Variants in R3HCC1L observed in about 807,000 individuals in gnomAD.
The protein encoded by R3HCC1L is R3H domain and coiled-coil containing 1 like.
R3HCC1L carries 51 observed loss-of-function variants against 59.9 expected under a neutral mutation model. The ratio of observed to expected loss-of-function variants is 0.85; its 90% CI spans 0.68 to 1.07. The LOEUF (loss-of-function observed/expected upper bound fraction) is 1.07, where lower values mean the gene tolerates loss of function less well. Ranked by LOEUF, R3HCC1L falls within the 50% of genes least tolerant of loss-of-function variation. The pLI is 0.00. For missense variants in R3HCC1L, 965 were observed against 933.0 expected (o/e 1.03, Z -0.45); for synonymous variants, 322 against 315.2 (o/e 1.02, Z -0.23).
At chr10:98,218,235 C>G (rs952765539) in intron 5 of R3HCC1L, among the ~76,000 whole-genome samples, 11 of 151,958 alleles carry the variant, frequency 7.2e-5, no homozygotes, top group African/African-American at 1.7e-4. Context: ...TGAACTTCAT[C>G]AAGTGCTTTT....
Position 98,209,125 on chromosome 10 carries a change from C to T in R3HCC1L, c.1011C>T (p.Asp337=). Residue 337 remains aspartate (D), a synonymous_variant, in exon 5 of 10, where the codon GAC becomes GAT. Transcript: ENST00000298999. ...PVMIRECEKN[D]STADELHVKH... ...TGATTAGAGAATGTGAGAAGAATGACAGCACTGCTGATGAGTTACATGTAA... is the reference window on the plus strand; with the variant it reads ...TGATTAGAGAATGTGAGAAGAATGATAGCACTGCTGATGAGTTACATGTAA... 2 of 1,614,070 alleles carry T rather than the reference C, an allele frequency of 1.2e-6. No homozygotes were observed. Among genetic ancestry groups the T allele is most frequent in the Non-Finnish European group, 1.7e-6 (2 of 1,180,016 alleles).
rs1438294474 is a variant in R3HCC1L, at chr10:98,153,088, G to A, written c.-267-3005G>A. ...TGGGAAGTGAGGAGCCCCTATACCC[G>A]GCCACCACCCCATCTGGGAGGTGTA... is the stretch of plus-strand genomic sequence containing the variant. On this transcript the variant is annotated intron_variant, in intron 1 of 9. Transcript: ENST00000298999. Among the ~76,000 whole-genome samples the A allele has an allele frequency of 2.0e-5, 3 of 152,160 alleles. 1 individual carries two copies. The highest frequency in any genetic ancestry group is 4.4e-5 in the Non-Finnish European group (3 of 68,020).
At chr10:98,223,424 G>T (rs1240267810) in intron 5 of R3HCC1L, among the ~76,000 whole-genome samples, 2 of 151,788 alleles carry the variant, frequency 1.3e-5, no homozygotes, top group Admixed American at 1.3e-4. Context: ...TCTTTTGGAG[G>T]TGTTATGTTT....
chr10:98,169,836 A>C (rs1848338820), intron 4 of R3HCC1L, among the ~76,000 whole-genome samples: 1 of 152,044 alleles, frequency 6.6e-6, no homozygotes, highest in Non-Finnish European at 1.5e-5. Flanking sequence ...AATATGTAAA[A>C]CTAACAGCTC....
intron 1 of R3HCC1L, among the ~76,000 whole-genome samples, chr10:98,154,202 A>G (rs1307572813): frequency 9.0e-5 from 13 of 144,866 alleles, no homozygotes; most frequent in Admixed American, 8.9e-4. Flanking sequence ...AAAAAAAAAA[A>G]AGGAAGAAAG....
intron 4 of R3HCC1L, among the ~76,000 whole-genome samples, chr10:98,191,441 A>ATAGATGTCTTCTT (rs201977757): frequency 0.18 from 27,787 of 152,088 alleles, 2,662 homozygotes; most frequent in Non-Finnish European, 0.2. Context: ...TGTTGGCTGC[A>ATAGATGTCTTCTT]TAGATGTCTT....
Position 98,215,189 on chromosome 10 carries a change from T to G in R3HCC1L, c.1785+5290T>G, listed in dbSNP as rs556896624. ...GGGTAAAAGAGAAGGATAACAATAT[T>G]TAAACAGTGTACAGTCCTGTGGAAT... On this transcript the variant is annotated intron_variant, in intron 5 of 9. Coordinates refer to ENST00000298999, the MANE Select transcript of R3HCC1L (RefSeq NM_001351015.2). Among the ~76,000 whole-genome samples the G allele has an allele frequency of 1.1e-4, 16 of 152,310 alleles. No homozygotes were observed. The South Asian group carries it at 3.1e-3, about 30-fold the overall frequency.
intron 5 of R3HCC1L, among the ~76,000 whole-genome samples, chr10:98,229,479 G>A (rs1856094363): frequency 6.6e-6 from 1 of 152,098 alleles, no homozygotes; most frequent in African/African-American, 2.4e-5. Context: ...GGAGATTTTG[G>A]GCTGAGACAG....
At chr10:98,183,170 G>A (rs1849826927) in intron 4 of R3HCC1L, among the ~76,000 whole-genome samples, 1 of 152,100 alleles carries the variant, frequency 6.6e-6, no homozygotes, top group Non-Finnish European at 1.5e-5. Context: ...CGGCCGTCTT[G>A]GAATGGACCA....
chr10:98,165,140 A>T (rs1487300060), intron 4 of R3HCC1L, among the ~76,000 whole-genome samples: 2 of 152,194 alleles, frequency 1.3e-5, no homozygotes, highest in Non-Finnish European at 2.9e-5. Flanking sequence ...GTACGCCTGT[A>T]ATCCCAGCTA....
At chr10:98,156,821 A>G (rs1283348131) in intron 2 of R3HCC1L, among the ~76,000 whole-genome samples, 1 of 152,230 alleles carries the variant, frequency 6.6e-6, no homozygotes, top group Non-Finnish European at 1.5e-5. Flanking sequence ...AGTTGTTTTT[A>G]CAATCGAATG....
intron 1 of R3HCC1L, among the ~76,000 whole-genome samples, chr10:98,136,846 T>C (rs1390998079): frequency 1.3e-5 from 2 of 152,152 alleles, no homozygotes; most frequent in African/African-American, 4.8e-5. Context: ...GGCATAACAC[T>C]AAGTTTGGAT....
chr10:98,214,940 T>C (rs1853998286), intron 5 of R3HCC1L, among the ~76,000 whole-genome samples: 1 of 152,220 alleles, frequency 6.6e-6, no homozygotes, highest in Non-Finnish European at 1.5e-5. Context: ...GCCTACAATC[T>C]AGTCTGGCCC....
intron 4 of R3HCC1L, among the ~76,000 whole-genome samples, chr10:98,179,433 A>G (rs1355814157): frequency 6.6e-6 from 1 of 152,040 alleles, no homozygotes; most frequent in Non-Finnish European, 1.5e-5. Context: ...TTGGTGGATA[A>G]GCTTTCTGAT....
chr10:98,150,487 A>C (rs1399838710), intron 1 of R3HCC1L, among the ~76,000 whole-genome samples: 1 of 148,310 alleles, frequency 6.7e-6, no homozygotes, highest in African/African-American at 2.5e-5. Context: ...TTGCTTAGTG[A>C]TTCTTTGTAA....
chr10:98,139,908 G>A (rs1443899989), intron 1 of R3HCC1L, among the ~76,000 whole-genome samples: 1 of 151,062 alleles, frequency 6.6e-6, no homozygotes, highest in Non-Finnish European at 1.5e-5. Flanking sequence ...CAGAAGCAGA[G>A]AAGCACTGTT....
intron 1 of R3HCC1L, among the ~76,000 whole-genome samples, chr10:98,145,265 A>T (rs761653097): frequency 3.9e-4 from 60 of 152,362 alleles, no homozygotes; most frequent in Non-Finnish European, 7.1e-4. Context: ...AATAATGTGG[A>T]AACAGAAGTA....
intron 1 of R3HCC1L, among the ~76,000 whole-genome samples, chr10:98,142,872 T>G (rs1309625889): frequency 6.6e-6 from 1 of 151,982 alleles, no homozygotes; most frequent in East Asian, 1.9e-4. Flanking sequence ...GAGGCAGAGA[T>G]TATAGTGAGC....
chr10:98,135,431 TC>T (rs2133784423), intron 1 of R3HCC1L, among the ~76,000 whole-genome samples: 1 of 152,318 alleles, frequency 6.6e-6, no homozygotes, highest in South Asian at 2.1e-4. Context: ...CCTGCGGCCT[TC>T]CAGGGTTGTG....
Sources: gnomAD v4.1 joint callset for allele counts (sites outside exome capture counted in the v4.1 genomes callset) on GRCh38, gnomAD v4.1.1 for gene constraint, MANE v1.5 for transcripts, NCBI Gene and HGNC (gene_info 2026-07-23, HGNC 2026-07-21) for gene names.